The following BACH2 variants were observed in gnomAD, a reference collection of about 807,000 sequenced individuals.
The protein encoded by BACH2 is BACH transcriptional regulator 2.
BACH2 carries 5 observed loss-of-function variants against 61.8 expected under a neutral mutation model. The ratio of observed to expected loss-of-function variants is 0.08; its 90% CI spans 0.04 to 0.17. The LOEUF (loss-of-function observed/expected upper bound fraction) is 0.17, where lower values mean the gene tolerates loss of function less well. BACH2 is among the 10% of genes least tolerant of loss of function. The pLI is 1.00. For missense variants in BACH2, 824 were observed against 1,091.1 expected (o/e 0.76, Z 3.45); for synonymous variants, 446 against 440.1 (o/e 1.01, Z -0.17).
At chr6:90,050,026 G>A (rs1416337317) in intron 5 of BACH2, among the ~76,000 whole-genome samples, 2 of 152,176 alleles carry the variant, frequency 1.3e-5, no homozygotes, top group Non-Finnish European at 2.9e-5. Flanking sequence ...AGTATTTGTT[G>A]CCACTGATAA....
chr6:90,171,441 C>CA (rs1302475144), intron 4 of BACH2, among the ~76,000 whole-genome samples: 3 of 150,956 alleles, frequency 2.0e-5, no homozygotes, highest in African/African-American at 4.9e-5. Context: ...CAAAACCCCA[C>CA]AAAAAAACAA....
chr6:90,237,399 G>A (rs1263659763), intron 3 of BACH2, among the ~76,000 whole-genome samples: 1 of 152,190 alleles, frequency 6.6e-6, no homozygotes, highest in Non-Finnish European at 1.5e-5. Flanking sequence ...AAAGTTCCAG[G>A]TTGTCAGACC....
intron 6 of BACH2, among the ~76,000 whole-genome samples, chr6:89,980,294 A>C (rs1582133975): frequency 1.3e-5 from 1 of 76,980 alleles, no homozygotes; most frequent in African/African-American, 3.8e-5. Flanking sequence ...ACTCTGTCTC[A>C]AAAAAAAAAA....
chr6:90,025,288 G>A (rs1285022913), intron 5 of BACH2, among the ~76,000 whole-genome samples: 1 of 152,136 alleles, frequency 6.6e-6, no homozygotes, highest in African/African-American at 2.4e-5. Context: ...ATATGTTGAT[G>A]CTTGCTTTTG....
chr6:90,092,834 G>A (rs116437719), intron 4 of BACH2, among the ~76,000 whole-genome samples: 7 of 152,122 alleles, frequency 4.6e-5, no homozygotes, highest in African/African-American at 1.4e-4. Context: ...TGAAATGACT[G>A]TAAGGTCTTT....
At chr6:89,986,058 G>A (rs1776219813) in intron 6 of BACH2, among the ~76,000 whole-genome samples, 1 of 152,184 alleles carries the variant, frequency 6.6e-6, no homozygotes, top group Non-Finnish European at 1.5e-5. Flanking sequence ...GAGAAAGGCA[G>A]AGACCAGAGA....
At chr6:90,175,095 A>T (rs1190474268) in intron 4 of BACH2, among the ~76,000 whole-genome samples, 1 of 152,094 alleles carries the variant, frequency 6.6e-6, no homozygotes, top group Admixed American at 6.6e-5. Context: ...GTGTATCTAC[A>T]TGTTATATAT....
In BACH2 at chr6:90,286,857, A is replaced by T. The variant is rs535465942; in HGVS notation, c.-446+9623T>A. Among the ~76,000 whole-genome samples the T allele has an allele frequency of 2.6e-5, 4 of 152,304 alleles. No homozygotes were observed. In the South Asian group the frequency reaches 8.3e-4, roughly 32 times the overall value. ...ATTGAGACTTGGAAAACAAAAAAGG[A>T]GGAGAAACAAGTACAAAGAGGGGGT... On this transcript the variant is annotated intron_variant, in intron 1 of 8. Coordinates refer to ENST00000257749, the MANE Select transcript of BACH2 (RefSeq NM_021813.4).
chr6:90,259,886 T>C (rs1771102321), intron 2 of BACH2, among the ~76,000 whole-genome samples: 1 of 152,138 alleles, frequency 6.6e-6, no homozygotes, highest in Admixed American at 6.5e-5. Context: ...ATCATCCTTT[T>C]TATTCCCGAG....
intron 3 of BACH2, among the ~76,000 whole-genome samples, chr6:90,233,916 T>C (rs1007718021): frequency 6.6e-6 from 1 of 152,158 alleles, no homozygotes; most frequent in Non-Finnish European, 1.5e-5. Context: ...GGGATAGAAT[T>C]ATCCCTCACT....
chr6:90,049,510 G>A (rs542127802), intron 5 of BACH2, among the ~76,000 whole-genome samples: 1 of 152,254 alleles, frequency 6.6e-6, no homozygotes, highest in South Asian at 2.1e-4. Context: ...TGCCAGTGAA[G>A]TCAATTTTAT....
intron 2 of BACH2, among the ~76,000 whole-genome samples, chr6:90,270,293 G>A (rs1771477732): frequency 6.6e-6 from 1 of 152,006 alleles, no homozygotes; most frequent in Non-Finnish European, 1.5e-5. Flanking sequence ...GTTCTTTAAG[G>A]AATCTCCACA....
intron 4 of BACH2, among the ~76,000 whole-genome samples, chr6:90,130,270 A>C (rs1473236249): frequency 6.6e-6 from 1 of 152,168 alleles, no homozygotes; most frequent in African/African-American, 2.4e-5. Context: ...AAGATAGAGG[A>C]GGTCTCCTTG....
chr6:90,222,568 T>C (rs1356342369), intron 3 of BACH2, among the ~76,000 whole-genome samples: 1 of 152,236 alleles, frequency 6.6e-6, no homozygotes, highest in Non-Finnish European at 1.5e-5. Flanking sequence ...GTGTATTTAA[T>C]ATGAAGTTTC....
In BACH2 at chr6:90,008,172, G is replaced by GAAAA. The variant is rs1777517686; in HGVS notation, c.243+429_243+430insTTTT. Reference sequence around the variant, plus strand: ...GAATTAATGGTGAAAATTACTAGTTGCTTTTATTTTTCCCCCAAGCAAAGA... The same window carrying GAAAA: ...GAATTAATGGTGAAAATTACTAGTTGAAAACTTTTATTTTTCCCCCAAGCAAAGA... On this transcript the variant is annotated intron_variant, in intron 6 of 8. Coordinates refer to ENST00000257749, the MANE Select transcript of BACH2 (RefSeq NM_021813.4). This position sits in a 1 kb window ranked among gnomAD's most constrained non-coding sequence, Gnocchi z 4.1. 6.0e-6 allele frequency: 1 copy of GAAAA among 167,564 alleles called. No individual in the cohort carries two copies. The highest frequency in any genetic ancestry group is 1.3e-5 in the Non-Finnish European group (1 of 76,786). 10.4% of individuals were successfully genotyped at this position (167,564 alleles called of 1,614,324 possible). A position where few individuals can be genotyped will look rare whatever the true frequency, so the allele number is the denominator to read the frequency against.
intron 6 of BACH2, among the ~76,000 whole-genome samples, chr6:89,977,654 G>A (rs1178880340): frequency 6.6e-6 from 1 of 152,188 alleles, no homozygotes; most frequent in East Asian, 1.9e-4. Context: ...CCTTAGATCT[G>A]TCAAGCTCTA....
intron 5 of BACH2, among the ~76,000 whole-genome samples, chr6:90,012,954 C>T (rs1479880462): frequency 2.0e-5 from 3 of 152,076 alleles, no homozygotes; most frequent in Non-Finnish European, 4.4e-5. Flanking sequence ...ACACTGGGCC[C>T]TCAGCAACGT....
intron 3 of BACH2, among the ~76,000 whole-genome samples, chr6:90,229,807 G>A (rs1445022580): frequency 1.3e-5 from 2 of 152,184 alleles, no homozygotes. Flanking sequence ...ACTAGGCATG[G>A]TGGTAGATAT....
At chr6:90,091,677 G>A (rs186403586) in intron 4 of BACH2, among the ~76,000 whole-genome samples, 146 of 152,258 alleles carry the variant, frequency 9.6e-4, no homozygotes, top group Non-Finnish European at 1.7e-3. Context: ...TTTCACTTAT[G>A]TATAAACTCA....
Sources: allele counts gnomAD v4.1 joint callset (sites outside exome capture counted in the v4.1 genomes callset), GRCh38; gene constraint gnomAD v4.1.1; non-coding constraint Gnocchi (gnomAD v3.1); transcripts MANE v1.5; gene names NCBI Gene and HGNC (gene_info 2026-07-23, HGNC 2026-07-21).